Variants in SYT10 observed in about 807,000 individuals in gnomAD.
SYT10 encodes synaptotagmin 10, also known as synaptotagmin-10.
Under a neutral mutation model 51.1 loss-of-function variants are expected in SYT10, and 31 were observed. The ratio of observed to expected loss-of-function variants is 0.61; its 90% CI spans 0.46 to 0.82. The LOEUF (loss-of-function observed/expected upper bound fraction) is 0.82, where lower values mean the gene tolerates loss of function less well. SYT10 is among the 40% of genes least tolerant of loss of function. The pLI is 0.00. For synonymous variants in SYT10, 233 were observed against 225.9 expected, an observed-to-expected ratio of 1.03 and a Z score of -0.28; for missense variants, 603 against 634.0, an observed-to-expected ratio of 0.95 and a Z score of 0.53.
intron 3 of SYT10, among the ~76,000 whole-genome samples, chr12:33,399,807 G>T (rs906656808): frequency 1.3e-5 from 2 of 151,922 alleles, no homozygotes; most frequent in Non-Finnish European, 2.9e-5. Context: ...ATCAATTCTC[G>T]CAAAGTAAAA....
At chr12:33,378,955 T>C (rs1418354021) in intron 6 of SYT10, among the ~76,000 whole-genome samples, 1 of 152,190 alleles carries the variant, frequency 6.6e-6, no homozygotes, top group Non-Finnish European at 1.5e-5. Context: ...ATATTGACGA[T>C]GACAGTTCAC....
At position 33,407,242 on chromosome 12, in the gene SYT10, C is replaced by A; in HGVS notation, c.624G>T (p.Arg208Ser). The change falls in exon 3 of 7, where the codon AGG becomes AGT. Residue 208 changes from arginine (R) to serine (S), a missense_variant. Coordinates refer to ENST00000228567, the MANE Select transcript of SYT10 (RefSeq NM_198992.4). Reference protein sequence around the residue: ...QRGETTTSIGRIKPELYKQKS... With the variant: ...QRGETTTSIGSIKPELYKQKS... ...TCTGTTTGTAGAGTTCTGGCTTTAT[C>A]CTCCCAATGCTGGTTGTTGTTTCTC... The A allele has an allele frequency of 6.2e-7, 1 of 1,614,092 alleles. No homozygotes were observed. The highest frequency in any genetic ancestry group is 8.5e-7 in the Non-Finnish European group (1 of 1,180,038).
intron 3 of SYT10, among the ~76,000 whole-genome samples, chr12:33,398,282 G>A (rs1331957401): frequency 1.3e-5 from 2 of 152,142 alleles, no homozygotes; most frequent in Non-Finnish European, 2.9e-5. Flanking sequence ...GGGAGGCTGA[G>A]GCGGGTGGAT....
Position 33,426,219 on chromosome 12 carries a change from TCTG to T in SYT10, c.425_427del (p.Ala142del). On this transcript the variant is annotated inframe_deletion, in exon 2 of 7. Coordinates refer to ENST00000228567, the MANE Select transcript of SYT10 (RefSeq NM_198992.4). ...ATGTTCTTTTAAAGCAGTTTGGACT[TCTG>T]CTGGGATGTCAGGGGAAGTGTGGCT... The T allele has an allele frequency of 6.2e-7, 1 of 1,614,156 alleles. No homozygotes were observed. Among genetic ancestry groups the T allele is most frequent in the Non-Finnish European group, 8.5e-7 (1 of 1,180,024 alleles).
At position 33,380,292 on chromosome 12, in the gene SYT10, T is replaced by C. The variant is rs553565738; in HGVS notation, c.1371-331A>G. 2.6e-5 allele frequency among the ~76,000 whole-genome samples: 4 copies of C among 152,324 alleles called. No individual in the cohort carries two copies. In the South Asian group the frequency reaches 8.3e-4, roughly 32 times the overall value. On this transcript the variant is annotated intron_variant, in intron 5 of 6. Transcript: ENST00000228567. The stretch of plus-strand genomic sequence containing the variant: ...TGAGTGTCTTTCTTGGAAGCAGTCT[T>C]ATTTAATACAAGTGATGTAAAACAA...
intron 2 of SYT10, among the ~76,000 whole-genome samples, chr12:33,415,028 G>A (rs190742127): frequency 2.0e-5 from 3 of 152,204 alleles, no homozygotes; most frequent in Non-Finnish European, 2.9e-5. Context: ...ACTGGAATAC[G>A]AGCAAATTCT....
chr12:33,410,501 A>T (rs1866396090), intron 2 of SYT10, among the ~76,000 whole-genome samples: 1 of 149,798 alleles, frequency 6.7e-6, no homozygotes, highest in African/African-American at 2.5e-5. Context: ...TGTACTATTC[A>T]CAGACTTCTC....
intron 5 of SYT10, among the ~76,000 whole-genome samples, chr12:33,380,683 C>A (rs1866106638): frequency 6.6e-6 from 1 of 152,098 alleles, no homozygotes; most frequent in Admixed American, 6.6e-5. Flanking sequence ...TCATTATTAT[C>A]ATTCTCTCAT....
intron 1 of SYT10, chr12:33,432,405 T>G (rs2138439281): frequency 6.6e-6 from 1 of 152,234 alleles, no homozygotes; most frequent in Admixed American, 6.5e-5. Flanking sequence ...CTCATATATT[T>G]ACATTAACTT....
chr12:33,433,435 A>G (rs1361487889), intron 1 of SYT10, among the ~76,000 whole-genome samples: 1 of 152,214 alleles, frequency 6.6e-6, no homozygotes, highest in Non-Finnish European at 1.5e-5. Flanking sequence ...TTACAAATTA[A>G]CAAAAACAAT....
intron 3 of SYT10, among the ~76,000 whole-genome samples, chr12:33,403,254 A>G (rs2138410803): frequency 6.9e-6 from 1 of 144,754 alleles, no homozygotes; most frequent in African/African-American, 2.5e-5. Context: ...TTTTTTTGAG[A>G]CAGAGTCTCA....
intron 2 of SYT10, among the ~76,000 whole-genome samples, chr12:33,417,846 A>C (rs1478483772): frequency 6.6e-6 from 1 of 152,192 alleles, no homozygotes; most frequent in East Asian, 1.9e-4. Flanking sequence ...AATTGAAACT[A>C]AGAAGGAAAA....
At chr12:33,424,066 C>T in intron 2 of SYT10, 1 of 452,666 alleles carries the variant, frequency 2.2e-6, no homozygotes, top group Non-Finnish European at 4.4e-6. Flanking sequence ...AAAGTTCTAG[C>T]AAAACTCTGA....
In SYT10 at chr12:33,374,756, T is replaced by C. The variant is rs1392561199; in HGVS notation, c.*2074A>G. On this transcript the variant is annotated 3_prime_UTR_variant, in exon 7 of 7. Coordinates refer to ENST00000228567, the MANE Select transcript of SYT10 (RefSeq NM_198992.4). Reference sequence around the variant, plus strand: ...CAATTCCCATATTAGAGTCTTCTGATTGGCCAATGGTTCACATTTTTTCAT... The same window carrying C: ...CAATTCCCATATTAGAGTCTTCTGACTGGCCAATGGTTCACATTTTTTCAT... 4 of 152,026 alleles carry C rather than the reference T, an allele frequency of 2.6e-5. No homozygotes were observed. The East Asian group carries it at 5.8e-4, about 22-fold the overall frequency. The allele number at this position is 152,026 out of a possible 1,614,324, so 9.4% of individuals were successfully genotyped here.
intron 3 of SYT10, chr12:33,405,593 A>G (rs1417210368): frequency 3.9e-5 from 6 of 152,246 alleles, no homozygotes; most frequent in African/African-American, 1.4e-4. Flanking sequence ...TGTAATTAGT[A>G]AAACATTCAT....
At position 33,375,564 on chromosome 12, in the gene SYT10, A is replaced by G. The variant is rs146134251; in HGVS notation, c.*1266T>C. ...GGACAAAATATGTTGACCTGACTTAAAAGAAAGTTCTGTCTTGTAAAAACA... is the reference window on the plus strand; with the variant it reads ...GGACAAAATATGTTGACCTGACTTAGAAGAAAGTTCTGTCTTGTAAAAACA... On this transcript the variant is annotated 3_prime_UTR_variant, in exon 7 of 7. Coordinates refer to ENST00000228567, the MANE Select transcript of SYT10 (RefSeq NM_198992.4). 4.6e-5 allele frequency: 7 copies of G among 152,172 alleles called. No homozygotes were observed. In the East Asian group the frequency reaches 1.2e-3, roughly 25 times the overall value. The allele number at this position is 152,172 out of a possible 1,614,324, so 9.4% of individuals were successfully genotyped here.
At chr12:33,395,045 G>A (rs1184306677) in intron 3 of SYT10, among the ~76,000 whole-genome samples, 4 of 152,328 alleles carry the variant, frequency 2.6e-5, no homozygotes, top group South Asian at 2.1e-4. Flanking sequence ...CCGAGATCAC[G>A]CCACTGCACT....
Position 33,379,933 on chromosome 12 carries a change from A to G in SYT10, c.1399T>C (p.Cys467Arg). The G allele has an allele frequency of 1.2e-6, 2 of 1,613,894 alleles. No individual in the cohort carries two copies. The highest frequency in any genetic ancestry group is 8.5e-7 in the Non-Finnish European group (1 of 1,179,850). ...RVGHNEVIGV[C>R]RTGLDAEGLG... The stretch of plus-strand genomic sequence containing the variant: ...CCCTCAGCATCCAGTCCTGTTCTGC[A>G]CACTCCTATGACCTCATTGTGTCCT... The change falls in exon 6 of 7, where the codon TGC becomes CGC. Residue 467 changes from cysteine to arginine, a missense_variant. By Grantham distance (180) the Cys-to-Arg change is radical. Transcript: ENST00000228567.
At chr12:33,388,879 A>T (rs1250288344) in intron 3 of SYT10, among the ~76,000 whole-genome samples, 2 of 152,252 alleles carry the variant, frequency 1.3e-5, no homozygotes, top group Non-Finnish European at 2.9e-5. Context: ...ATAAATTGAC[A>T]TGCAAATATT....
Sources: allele counts gnomAD v4.1 joint callset (sites outside exome capture counted in the v4.1 genomes callset), GRCh38; gene constraint gnomAD v4.1.1; transcripts MANE v1.5; gene names NCBI Gene and HGNC (gene_info 2026-07-23, HGNC 2026-07-21).